The following GABARAPL2 variants were observed in gnomAD, a reference collection of about 807,000 sequenced individuals.
GABARAPL2 encodes the protein gamma-aminobutyric acid receptor-associated protein-like 2.
In GABARAPL2, 11 loss-of-function variants were observed where a neutral mutation model predicts 16.9. That is an observed-to-expected ratio of 0.65 (90% CI 0.41 to 1.08). GABARAPL2 has a LOEUF of 1.08. Among genes scored for constraint, GABARAPL2 ranks in the 50% least tolerant of loss-of-function variants. The pLI is 0.00. For missense variants in GABARAPL2, 134 were observed against 142.5 expected, an observed-to-expected ratio of 0.94 and a Z score of 0.30; for synonymous variants, 57 against 50.7, an observed-to-expected ratio of 1.12 and a Z score of -0.53.
intron 3 of GABARAPL2, among the ~76,000 whole-genome samples, chr16:75,571,657 C>CT (rs2080915163): frequency 6.7e-6 from 1 of 150,370 alleles, no homozygotes; most frequent in Non-Finnish European, 1.5e-5. Context: ...GTAAATACCT[C>CT]TTTAAGGACA....
intron 3 of GABARAPL2, among the ~76,000 whole-genome samples, chr16:75,571,740 G>A (rs1438170984): frequency 2.0e-5 from 3 of 150,816 alleles, no homozygotes; most frequent in Non-Finnish European, 3.0e-5. Context: ...GCAGTGGCGC[G>A]ATCTCAGCTC....
At chr16:75,567,333 A>C (rs924704071) in intron 2 of GABARAPL2, among the ~76,000 whole-genome samples, 1 of 151,944 alleles carries the variant, frequency 6.6e-6, no homozygotes, top group Non-Finnish European at 1.5e-5. Flanking sequence ...TCTCACCTTG[A>C]CCCTGTCATC....
rs11556299 is a variant in GABARAPL2 at position 75,566,453 on chromosome 16, C to G, written c.-34C>G. The stretch of plus-strand genomic sequence containing the variant: ...CTCGGTGCGCTGAGCTCCGCGGCTC[C>G]GCGAGCCGGTTCCGTCCCCTTCCCG... On this transcript the variant is annotated 5_prime_UTR_variant, in exon 1 of 4. Coordinates refer to ENST00000037243, the MANE Select transcript of GABARAPL2 (RefSeq NM_007285.7). 2 of 1,550,562 alleles carry G rather than the reference C, an allele frequency of 1.3e-6. No individual in the cohort carries two copies. Among genetic ancestry groups the G allele is most frequent in the Admixed American group, 3.4e-5 (2 of 58,660 alleles).
At position 75,577,438 on chromosome 16, in the gene GABARAPL2, A is replaced by G; in HGVS notation, c.*69A>G. ...TGTAAATAGCCAGCCATTTTCAGTTATTATACCAGAACCTCTTCACATAGA... is the reference window on the plus strand; with the variant it reads ...TGTAAATAGCCAGCCATTTTCAGTTGTTATACCAGAACCTCTTCACATAGA... On this transcript the variant is annotated 3_prime_UTR_variant, in exon 4 of 4. Transcript: ENST00000037243. 1 of 889,576 alleles carries G rather than the reference A, an allele frequency of 1.1e-6. No individual in the cohort carries two copies. The highest frequency in any genetic ancestry group is 1.9e-6 in the Non-Finnish European group (1 of 519,052). The allele number at this position is 889,576 out of a possible 1,614,324, so 55.1% of individuals were successfully genotyped here.
intron 3 of GABARAPL2, 64 bp downstream of exon 3, chr16:75,568,273 C>G (rs1257269425): frequency 6.5e-6 from 8 of 1,239,246 alleles, no homozygotes; most frequent in Non-Finnish European, 8.0e-6. Flanking sequence ...TTACGGAACT[C>G]CAAAACTTTG....
rs928106556 is a variant in GABARAPL2 at position 75,568,170 on chromosome 16, C to T, written c.224C>T (p.Ala75Val). ...AGGATCCAGCTTCCTTCTGAAAAGG[C>T]GATCTTCCTGTTTGTGGATAAGACA... ...RKRIQLPSEK[A>V]IFLFVDKTVP... The change falls in exon 3 of 4, where the codon GCG becomes GTG. Residue 75 changes from alanine (A) to valine (V), a missense_variant. Coordinates refer to ENST00000037243, the MANE Select transcript of GABARAPL2 (RefSeq NM_007285.7). The T allele has an allele frequency of 1.9e-6, 3 of 1,612,680 alleles. No homozygotes were observed. Among genetic ancestry groups the T allele is most frequent in the Admixed American group, 1.7e-5 (1 of 60,000 alleles).
chr16:75,567,963 A>G, intron 2 of GABARAPL2, 74 bp from the exon 3 acceptor site: 1 of 1,184,368 alleles, frequency 8.4e-7, no homozygotes, highest in Non-Finnish European at 1.2e-6. Context: ...CACTCTGTTC[A>G]TCAGCTCCTC....
chr16:75,574,339 T>C (rs2080934285), intron 3 of GABARAPL2, among the ~76,000 whole-genome samples: 1 of 152,226 alleles, frequency 6.6e-6, no homozygotes, highest in South Asian at 2.1e-4. Context: ...GGAACCAAAC[T>C]TGACAGAGAC....
chr16:75,575,821 G>C (rs895589263), intron 3 of GABARAPL2: 2 of 152,272 alleles, frequency 1.3e-5, no homozygotes, highest in African/African-American at 2.4e-5. Flanking sequence ...CCCGACCTCA[G>C]GTGATCCACT....
intron 3 of GABARAPL2, among the ~76,000 whole-genome samples, chr16:75,573,532 A>G (rs2080929067): frequency 6.6e-6 from 1 of 152,230 alleles, no homozygotes; most frequent in Non-Finnish European, 1.5e-5. Context: ...GTGTCAGAAA[A>G]GGAGAAATTG....
rs181358648 is a variant in GABARAPL2 at position 75,577,581 on chromosome 16, C to G, written c.*212C>G. On this transcript the variant is annotated 3_prime_UTR_variant, in exon 4 of 4. Transcript: ENST00000037243. ...TGAGTTTTTCTTTTTGTGCATTGTC[C>G]TCATGCCTGTATTCTCCAGGAAACT... 1 of 478,512 alleles carries G rather than the reference C, an allele frequency of 2.1e-6. No homozygotes were observed. The highest frequency in any genetic ancestry group is 1.9e-5 in the African/African-American group (1 of 51,580). The allele number at this position is 478,512 out of a possible 1,614,324, so 29.6% of individuals were successfully genotyped here. A position where few individuals can be genotyped will look rare whatever the true frequency, so the allele number is the denominator to read the frequency against.
intron 3 of GABARAPL2, among the ~76,000 whole-genome samples, chr16:75,572,027 G>A (rs1486794198): frequency 1.3e-5 from 2 of 151,670 alleles, no homozygotes; most frequent in Non-Finnish European, 2.9e-5. Context: ...GCCGTGTGTG[G>A]TGGCGGTCGC....
rs754578979 is a variant in GABARAPL2, at chr16:75,566,804, C to G, written c.35-48C>G. Reference sequence around the variant, plus strand: ...AGGAGGAGGGCCGGGGGCCGGGAACCGACCGGTGGGCAGGCGCGGCCGTCA... The same window carrying G: ...AGGAGGAGGGCCGGGGGCCGGGAACGGACCGGTGGGCAGGCGCGGCCGTCA... On this transcript the variant is annotated intron_variant, in intron 1 of 3. Coordinates refer to ENST00000037243, the MANE Select transcript of GABARAPL2 (RefSeq NM_007285.7). 10 of 1,565,962 alleles carry G rather than the reference C, an allele frequency of 6.4e-6. No individual in the cohort carries two copies. The African/African-American group carries it at 1.4e-4, about 21-fold the overall frequency.
chr16:75,568,239 G>C, intron 3 of GABARAPL2, 30 bp downstream of exon 3: 1 of 1,498,738 alleles, frequency 6.7e-7, no homozygotes, highest in Non-Finnish European at 9.2e-7. Context: ...TGGGCCCTCT[G>C]GTATTAGACA....
At chr16:75,569,788 A>G (rs1460338861) in intron 3 of GABARAPL2, among the ~76,000 whole-genome samples, 1 of 152,200 alleles carries the variant, frequency 6.6e-6, no homozygotes, top group Non-Finnish European at 1.5e-5. Flanking sequence ...CTCCCCCGTT[A>G]TCCCTGAGAT....
At chr16:75,577,253 T>C in intron 3 of GABARAPL2, 26 bp from the exon 4 acceptor site, 1 of 1,451,400 alleles carries the variant, frequency 6.9e-7, no homozygotes. Flanking sequence ...CAATTTTCAA[T>C]GACGTTTTTG....
intron 3 of GABARAPL2, among the ~76,000 whole-genome samples, chr16:75,568,786 C>G (rs1229017457): frequency 6.6e-6 from 1 of 152,224 alleles, no homozygotes; most frequent in Non-Finnish European, 1.5e-5. Context: ...TGCCTGGAAG[C>G]AATCTTTGGG....
At chr16:75,570,531 C>T (rs547004679) in intron 3 of GABARAPL2, among the ~76,000 whole-genome samples, 54 of 152,194 alleles carry the variant, frequency 3.5e-4, no homozygotes, top group African/African-American at 1.1e-3. Flanking sequence ...AGAGAAGGGA[C>T]GAATTCAGGC....
At chr16:75,567,585 A>C (rs906509310) in intron 2 of GABARAPL2, among the ~76,000 whole-genome samples, 2 of 152,222 alleles carry the variant, frequency 1.3e-5, no homozygotes, top group Admixed American at 6.5e-5. Flanking sequence ...GCAACAGGCC[A>C]AATGAAGAAC....
Sources: gnomAD v4.1 joint callset for allele counts (sites outside exome capture counted in the v4.1 genomes callset) on GRCh38, gnomAD v4.1.1 for gene constraint, MANE v1.5 for transcripts, NCBI Gene and HGNC (gene_info 2026-07-23, HGNC 2026-07-21) for gene names.